The following ERG variants were observed in gnomAD, a reference collection of about 807,000 sequenced individuals.
The protein encoded by ERG is transcriptional regulator ERG.
Under a neutral mutation model 55.3 loss-of-function variants are expected in ERG, and 9 were observed. The observed-to-expected ratio is 0.16, with a 90% CI of 0.10 to 0.28. The LOEUF (loss-of-function observed/expected upper bound fraction) is 0.28. Ranked by LOEUF, ERG falls within the 10% of genes least tolerant of loss-of-function variation. ERG has a pLI of 1.00. For missense variants in ERG, 434 were observed against 631.6 expected (o/e 0.69, Z 3.35); for synonymous variants, 223 against 237.3 (o/e 0.94, Z 0.55).
chr21:38,633,878 G>GAAA (rs5843923), intron 1 of ERG, among the ~76,000 whole-genome samples: 24,171 of 148,022 alleles, frequency 0.16, 2,482 homozygotes, highest in East Asian at 0.3. Context: ...CAGTTGATAT[G>GAAA]AAAAAAAAAA....
At chr21:38,630,275 T>A (rs462179) in intron 1 of ERG, among the ~76,000 whole-genome samples, 22,379 of 152,160 alleles carry the variant, frequency 0.15, 2,075 homozygotes, top group East Asian at 0.35. Flanking sequence ...TATGTATGTT[T>A]TACCACAGTA....
intron 2 of ERG, among the ~76,000 whole-genome samples, chr21:38,527,054 G>C (rs1467730390): frequency 6.6e-6 from 1 of 152,162 alleles, no homozygotes; most frequent in Non-Finnish European, 1.5e-5. Flanking sequence ...TCAGATCTGA[G>C]AGTAATTTTC....
chr21:38,627,817 G>A (rs1248320497), intron 1 of ERG, among the ~76,000 whole-genome samples: 1 of 152,150 alleles, frequency 6.6e-6, no homozygotes, highest in Non-Finnish European at 1.5e-5. Flanking sequence ...TCCTATGCAA[G>A]AAAGGGATGT....
chr21:38,505,236 G>A (rs1470858414), intron 2 of ERG, among the ~76,000 whole-genome samples: 4 of 152,174 alleles, frequency 2.6e-5, no homozygotes, highest in African/African-American at 4.8e-5. Flanking sequence ...CCCTATACCC[G>A]TGCCTGAAGT....
chr21:38,640,239 A>G (rs1296555837), intron 1 of ERG, among the ~76,000 whole-genome samples: 1 of 152,234 alleles, frequency 6.6e-6, no homozygotes, highest in Non-Finnish European at 1.5e-5. Flanking sequence ...AGCACACTAT[A>G]TGACTCAGTT....
At chr21:38,524,842 C>T (rs1033782734) in intron 2 of ERG, among the ~76,000 whole-genome samples, 3 of 152,182 alleles carry the variant, frequency 2.0e-5, no homozygotes, top group African/African-American at 7.2e-5. Context: ...CAGAGATCAC[C>T]CAGTTCATCC....
At chr21:38,391,564 C>G in intron 8 of ERG, 95 bp downstream of exon 8, 1 of 1,044,164 alleles carries the variant, frequency 9.6e-7, no homozygotes. Context: ...GGCAAACAAT[C>G]ATGTTAATTT....
chr21:38,451,208 A>T, intron 1 of ERG: 1 of 509,666 alleles, frequency 2.0e-6, no homozygotes, highest in Non-Finnish European at 3.9e-6. Context: ...CTGGGATGGA[A>T]TAAAGGATCT....
Position 38,423,589 on chromosome 21 carries a change from A to G in ERG, c.237-28T>C, listed in dbSNP as rs1260071760. The G allele has an allele frequency of 2.5e-6, 4 of 1,589,750 alleles. No homozygotes were observed. The Admixed American group carries it at 5.1e-5, about 20-fold the overall frequency. On this transcript the variant is annotated intron_variant, in intron 2 of 9. Transcript: ENST00000288319. Reference sequence around the variant, plus strand: ...GGAGGAGAAGAAATATTCTTCCATTATAACAGCAATCAAAGAGCATGTCTC... The same window carrying G: ...GGAGGAGAAGAAATATTCTTCCATTGTAACAGCAATCAAAGAGCATGTCTC...
At chr21:38,564,733 TCTC>T (rs2059912759) in intron 2 of ERG, among the ~76,000 whole-genome samples, 1 of 151,968 alleles carries the variant, frequency 6.6e-6, no homozygotes, top group African/African-American at 2.4e-5. Context: ...TCTTAGCCCT[TCTC>T]CTACCTCCAC....
chr21:38,440,596 G>A (rs2058831715), intron 2 of ERG, among the ~76,000 whole-genome samples: 3 of 152,056 alleles, frequency 2.0e-5, no homozygotes, highest in Admixed American at 2.0e-4. Context: ...TGAGGCGGGT[G>A]GATCACCTGA....
At chr21:38,660,249 G>A (rs984216321) in intron 1 of ERG, among the ~76,000 whole-genome samples, 1 of 152,216 alleles carries the variant, frequency 6.6e-6, no homozygotes, top group South Asian at 2.1e-4. Context: ...CTTGGTCGGG[G>A]CCCCAGATGA....
intron 1 of ERG, among the ~76,000 whole-genome samples, chr21:38,458,220 T>C (rs1336679970): frequency 6.6e-6 from 1 of 152,006 alleles, no homozygotes; most frequent in Non-Finnish European, 1.5e-5. Flanking sequence ...GGTCAGGAGT[T>C]CGAGACCAGC....
chr21:38,624,828 G>T (rs2060314829), intron 1 of ERG, among the ~76,000 whole-genome samples: 1 of 152,150 alleles, frequency 6.6e-6, no homozygotes, highest in African/African-American at 2.4e-5. Context: ...TTATCACAAT[G>T]TATTAAAGTT....
intron 3 of ERG, among the ~76,000 whole-genome samples, chr21:38,418,702 G>T (rs185593933): frequency 6.6e-6 from 1 of 151,922 alleles, no homozygotes; most frequent in African/African-American, 2.4e-5. Flanking sequence ...CGAGGTGGGC[G>T]GATCACCTGA....
downstream of ERG, among the ~76,000 whole-genome samples, chr21:38,376,879 C>G (rs559569672): frequency 1.3e-5 from 2 of 152,358 alleles, no homozygotes; most frequent in East Asian, 3.9e-4. Flanking sequence ...AAGCAGCACT[C>G]CCGCCCTAAA....
At position 38,579,422 on chromosome 21, in the gene ERG, T is replaced by C. The variant is rs573567178; in HGVS notation, c.-126-3675A>G. Among the ~76,000 whole-genome samples the C allele has an allele frequency of 3.3e-5, 5 of 152,254 alleles. No individual in the cohort carries two copies. The East Asian group carries it at 5.8e-4, about 18-fold the overall frequency. ...GAAACAGATCTGTTTCATACAGATATGAAGCGGTCAGTCCTGAGAGCAGGC... is the reference window on the plus strand; with the variant it reads ...GAAACAGATCTGTTTCATACAGATACGAAGCGGTCAGTCCTGAGAGCAGGC... On this transcript the variant is annotated intron_variant, in intron 1 of 8. Coordinates refer to the ERG transcript ENST00000398897.
chr21:38,422,267 A>C (rs1035542378), intron 3 of ERG, among the ~76,000 whole-genome samples: 6 of 152,256 alleles, frequency 3.9e-5, no homozygotes, highest in Admixed American at 1.3e-4. Context: ...TCCCTGAGGC[A>C]GGACCGCAGG....
chr21:38,610,882 G>A (rs2060222799), intron 1 of ERG, among the ~76,000 whole-genome samples: 1 of 152,178 alleles, frequency 6.6e-6, no homozygotes, highest in South Asian at 2.1e-4. Context: ...AGGCTTGAGG[G>A]GAGATTGAAA....
Sources: allele counts gnomAD v4.1 joint callset (sites outside exome capture counted in the v4.1 genomes callset), GRCh38; gene constraint gnomAD v4.1.1; transcripts MANE v1.5; gene names NCBI Gene and HGNC (gene_info 2026-07-23, HGNC 2026-07-21).